Variants in KCNC2 observed in about 807,000 individuals in gnomAD.
KCNC2 encodes voltage-gated potassium channel KCNC2.
KCNC2 carries 21 observed loss-of-function variants against 44.5 expected under a neutral mutation model. The observed-to-expected ratio is 0.47, with a 90% CI of 0.33 to 0.68. The LOEUF is 0.68. Among genes scored for constraint, KCNC2 ranks in the 30% least tolerant of loss-of-function variants. KCNC2 has a pLI of 0.01. For missense variants in KCNC2, 589 were observed against 826.2 expected, an observed-to-expected ratio of 0.71 and a Z score of 3.52; for synonymous variants, 391 against 339.1, an observed-to-expected ratio of 1.15 and a Z score of -1.68.
At chr12:75,064,097 T>C (rs1178832673) in intron 2 of KCNC2, among the ~76,000 whole-genome samples, 1 of 152,090 alleles carries the variant, frequency 6.6e-6, no homozygotes, top group African/African-American at 2.4e-5. Context: ...GTTTGAAAAT[T>C]GATTTTGTTT....
In KCNC2 at chr12:75,042,335, G is replaced by A. The variant is rs368398887; in HGVS notation, c.*770C>T. On this transcript the variant is annotated 3_prime_UTR_variant, in exon 5 of 5. Transcript: ENST00000549446. ...TCATTAAGTAAGAGATCTGGCCTCGGCTTGCGTGTAACCAGTAATGACAAC... is the reference window on the plus strand; with the variant it reads ...TCATTAAGTAAGAGATCTGGCCTCGACTTGCGTGTAACCAGTAATGACAAC... 6.2e-7 allele frequency: 1 copy of A among 1,611,936 alleles called. No homozygotes were observed. Among genetic ancestry groups the A allele is most frequent in the African/African-American group, 1.3e-5 (1 of 74,688 alleles).
chr12:75,199,814 CGT>C (rs2031088479), intron 2 of KCNC2, among the ~76,000 whole-genome samples: 1 of 151,654 alleles, frequency 6.6e-6, no homozygotes, highest in South Asian at 2.1e-4. Context: ...AGTAGAAAAA[CGT>C]ATTATAAAAG....
chr12:75,187,256 T>C (rs1893016790), intron 2 of KCNC2, among the ~76,000 whole-genome samples: 1 of 152,256 alleles, frequency 6.6e-6, no homozygotes, highest in South Asian at 2.1e-4. Context: ...CAATTTATTT[T>C]TTATGAGCAA....
intron 2 of KCNC2, among the ~76,000 whole-genome samples, chr12:75,068,971 A>G (rs1234027055): frequency 6.6e-6 from 1 of 152,150 alleles, no homozygotes. Context: ...CTCTTTCAGC[A>G]GAAGATATTT....
At chr12:75,199,965 T>G (rs534171155) in intron 2 of KCNC2, among the ~76,000 whole-genome samples, 10 of 151,812 alleles carry the variant, frequency 6.6e-5, no homozygotes, top group Non-Finnish European at 1.3e-4. Flanking sequence ...AGTGGTTAAG[T>G]GCATAAGCAG....
chr12:75,051,217 G>C lies in KCNC2; in HGVS notation c.788C>G (p.Pro263Arg), dbSNP rs368514896. Residue 263 changes from proline to arginine, a missense_variant, in exon 3 of 5, where the codon CCA becomes CGA. Physicochemically the swap from Pro to Arg is moderately radical, Grantham distance 103. Coordinates refer to ENST00000549446, the MANE Select transcript of KCNC2 (RefSeq NM_139137.4). ...AFNIVKNKTEPVINGTSVVLQ... is the reference protein window; with the variant it reads ...AFNIVKNKTERVINGTSVVLQ... ...AACAACACTTGTGCCATTGATGACTGGTTCTGTCTTGTTTTTAACAATATT... is the reference window on the plus strand; with the variant it reads ...AACAACACTTGTGCCATTGATGACTCGTTCTGTCTTGTTTTTAACAATATT... The C allele has an allele frequency of 1.2e-5, 19 of 1,612,130 alleles. No homozygotes were observed. The highest frequency in any genetic ancestry group is 1.6e-5 in the Non-Finnish European group (19 of 1,178,546).
chr12:75,179,915 A>T (rs2137636674), intron 2 of KCNC2, among the ~76,000 whole-genome samples: 1 of 151,856 alleles, frequency 6.6e-6, no homozygotes. Context: ...AAAGCTACAA[A>T]TTGCACTGTA....
chr12:75,203,304 G>A (rs934273748), intron 2 of KCNC2, among the ~76,000 whole-genome samples: 1 of 151,650 alleles, frequency 6.6e-6, no homozygotes, highest in African/African-American at 2.4e-5. Flanking sequence ...TTAAATATTT[G>A]CAAATTTGAG....
At chr12:75,083,513 T>C (rs1040857559) in intron 2 of KCNC2, among the ~76,000 whole-genome samples, 1 of 152,030 alleles carries the variant, frequency 6.6e-6, no homozygotes, top group Non-Finnish European at 1.5e-5. Context: ...TCAGTCCCAG[T>C]TCTGCCAGTT....
At chr12:75,172,158 T>G (rs570774462) in intron 2 of KCNC2, among the ~76,000 whole-genome samples, 2 of 151,946 alleles carry the variant, frequency 1.3e-5, no homozygotes, top group East Asian at 3.9e-4. Context: ...TACTCAAATT[T>G]GTATTATTTG....
chr12:75,188,585 G>C (rs2029894983), intron 2 of KCNC2, among the ~76,000 whole-genome samples: 1 of 151,962 alleles, frequency 6.6e-6, no homozygotes. Context: ...AAGGTGGCCG[G>C]GCGCGGTGGC....
intron 2 of KCNC2, among the ~76,000 whole-genome samples, chr12:75,116,372 T>C (rs1284717301): frequency 1.3e-5 from 2 of 152,082 alleles, no homozygotes; most frequent in Non-Finnish European, 2.9e-5. Context: ...ATTATTAAAA[T>C]AATAATAATA....
In KCNC2 at chr12:75,042,374, T is replaced by C. The variant is rs201339164; in HGVS notation, c.*731A>G. ...AGTAATGACAACCTCTTTGCAGTTA[T>C]CTGTGTGCAAACAACCAGAGACATT... On this transcript the variant is annotated 3_prime_UTR_variant, in exon 5 of 5. Coordinates refer to ENST00000549446, the MANE Select transcript of KCNC2 (RefSeq NM_139137.4). 1.2e-6 allele frequency: 2 copies of C among 1,611,056 alleles called. No homozygotes were observed. Among genetic ancestry groups the C allele is most frequent in the Non-Finnish European group, 1.7e-6 (2 of 1,178,074 alleles).
At chr12:75,170,906 T>C (rs112211959) in intron 2 of KCNC2, among the ~76,000 whole-genome samples, 42 of 151,794 alleles carry the variant, frequency 2.8e-4, no homozygotes, top group African/African-American at 1.0e-3. Flanking sequence ...TGGGGGCGGG[T>C]GTACTCTTCC....
At chr12:75,172,296 G>A (rs368567432) in intron 2 of KCNC2, among the ~76,000 whole-genome samples, 15 of 151,762 alleles carry the variant, frequency 9.9e-5, no homozygotes, top group Admixed American at 2.0e-4. Context: ...GGAAGATGGC[G>A]GGGAAGGACA....
At chr12:75,071,379 T>C (rs961471549) in intron 2 of KCNC2, among the ~76,000 whole-genome samples, 7 of 152,170 alleles carry the variant, frequency 4.6e-5, no homozygotes, top group Non-Finnish European at 1.0e-4. Flanking sequence ...CTAAAAATAT[T>C]GGGAATTTTG....
chr12:75,151,472 T>G (rs1890388557), intron 2 of KCNC2, among the ~76,000 whole-genome samples: 1 of 151,714 alleles, frequency 6.6e-6, no homozygotes, highest in Non-Finnish European at 1.5e-5. Flanking sequence ...AAAACAGACT[T>G]CAAAGAATTC....
chr12:75,074,617 T>G (rs578038482), intron 2 of KCNC2, among the ~76,000 whole-genome samples: 25 of 152,156 alleles, frequency 1.6e-4, no homozygotes, highest in Non-Finnish European at 3.1e-4. Flanking sequence ...ATTCAGTGGT[T>G]GGACATGATC....
At chr12:75,196,732 T>G (rs2030800281) in intron 2 of KCNC2, among the ~76,000 whole-genome samples, 2 of 152,108 alleles carry the variant, frequency 1.3e-5, no homozygotes, top group Admixed American at 1.3e-4. Context: ...AGCTTCCATC[T>G]CAAAATCAAC....
Sources: allele counts gnomAD v4.1 joint callset (sites outside exome capture counted in the v4.1 genomes callset), GRCh38; gene constraint gnomAD v4.1.1; transcripts MANE v1.5; gene names NCBI Gene and HGNC (gene_info 2026-07-23, HGNC 2026-07-21).